USP25: variants seen among roughly 807,000 people sequenced by gnomAD.
The protein encoded by USP25 is ubiquitin specific peptidase 25.
USP25 carries 85 observed loss-of-function variants against 158.5 expected under a neutral mutation model. The observed-to-expected ratio is 0.54, with a 90% CI of 0.45 to 0.64. USP25 has a LOEUF of 0.64. USP25 is among the 30% of genes least tolerant of loss of function. The pLI is 0.00. For missense variants in USP25, 1,242 were observed against 1,327.3 expected, an observed-to-expected ratio of 0.94 and a Z score of 1.00; for synonymous variants, 464 against 460.4, an observed-to-expected ratio of 1.01 and a Z score of -0.10.
chr21:15,805,315 T>G, intron 7 of USP25, 57 bp downstream of exon 7: 1 of 1,419,694 alleles, frequency 7.0e-7, no homozygotes, highest in Non-Finnish European at 9.2e-7. Context: ...TGAACAATAT[T>G]AAGCACCTTT....
chr21:15,874,698 C>T (rs1391764281), intron 24 of USP25, among the ~76,000 whole-genome samples, 172 bp downstream of exon 24: 2 of 152,264 alleles, frequency 1.3e-5, no homozygotes, highest in East Asian at 1.9e-4. Flanking sequence ...GTACTTTATT[C>T]TTTTCTCTTT....
chr21:15,735,942 G>T (rs1283428084), intron 1 of USP25, among the ~76,000 whole-genome samples: 2 of 149,280 alleles, frequency 1.3e-5, no homozygotes, highest in African/African-American at 2.5e-5. Context: ...TGTATTTATT[G>T]GTCTAAAGTT....
At chr21:15,812,976 C>T (rs2036746998) in intron 9 of USP25, among the ~76,000 whole-genome samples, 1 of 152,002 alleles carries the variant, frequency 6.6e-6, no homozygotes, top group African/African-American at 2.4e-5. Flanking sequence ...CTCTGTACTT[C>T]ACTCCTTCCT....
intron 7 of USP25, among the ~76,000 whole-genome samples, chr21:15,806,758 T>G (rs1352648763): frequency 1.3e-5 from 2 of 152,204 alleles, no homozygotes; most frequent in Admixed American, 1.3e-4. Flanking sequence ...ACAGGAGTAA[T>G]TTAGTGAATC....
intron 9 of USP25, among the ~76,000 whole-genome samples, chr21:15,814,958 C>G (rs1199544176): frequency 1.3e-5 from 2 of 152,160 alleles, no homozygotes; most frequent in African/African-American, 4.8e-5. Context: ...TTCCTGGCAG[C>G]CCCTCCCATC....
rs370037302 is a variant in USP25 at position 15,826,206 on chromosome 21, A to G, written c.1307A>G (p.Tyr436Cys). Residue 436 changes from tyrosine to cysteine, a missense_variant and splice_region_variant, in exon 13 of 26, where the codon TAT becomes TGT. Tyr to Cys is a radical substitution (Grantham distance 194). This residue lies in a region of USP25 where 627 missense variants were observed against 701.4 expected (regional missense o/e 0.89). Transcript: ENST00000400183. This position sits in a 1 kb window ranked among gnomAD's most constrained non-coding sequence, Gnocchi z 4.8. ...TTTGTACATTTTATGATTAACAGATATTTAAGCTATGGTTCCGGTCCCAAA... is the reference window on the plus strand; with the variant it reads ...TTTGTACATTTTATGATTAACAGATGTTTAAGCTATGGTTCCGGTCCCAAA... ...LTVLQQRLER[Y>C]LSYGSGPKRF... The G allele has an allele frequency of 6.2e-7, 1 of 1,613,782 alleles. No homozygotes were observed. The highest frequency in any genetic ancestry group is 8.5e-7 in the Non-Finnish European group (1 of 1,179,796).
intron 1 of USP25, among the ~76,000 whole-genome samples, chr21:15,740,802 A>G (rs918147187): frequency 6.6e-6 from 1 of 151,710 alleles, no homozygotes; most frequent in Non-Finnish European, 1.5e-5. Context: ...ACAATTTTAG[A>G]CATGAAATAG....
chr21:15,850,766 A>G (rs1044702440), intron 20 of USP25, among the ~76,000 whole-genome samples: 1 of 152,182 alleles, frequency 6.6e-6, no homozygotes. Flanking sequence ...GTACAAAACA[A>G]AAGCCTTGTA....
chr21:15,859,124 T>TTA (rs935280409), intron 20 of USP25, among the ~76,000 whole-genome samples: 11 of 148,886 alleles, frequency 7.4e-5, no homozygotes, highest in Non-Finnish European at 1.3e-4. Flanking sequence ...GATATACAAA[T>TTA]TATATATATA....
chr21:15,821,995 C>A (rs556905994), intron 10 of USP25, among the ~76,000 whole-genome samples: 42 of 151,946 alleles, frequency 2.8e-4, no homozygotes, highest in African/African-American at 9.2e-4. Context: ...CTGCAGAAAT[C>A]TATTCCTCCT....
intron 5 of USP25, among the ~76,000 whole-genome samples, chr21:15,792,425 C>T (rs1329472858): frequency 6.6e-6 from 1 of 151,508 alleles, no homozygotes; most frequent in Non-Finnish European, 1.5e-5. Context: ...TTTTATTACT[C>T]CTTAGGAAAG....
chr21:15,740,590 G>A (rs1293318211), intron 1 of USP25, among the ~76,000 whole-genome samples: 1 of 143,646 alleles, frequency 7.0e-6, no homozygotes, highest in Non-Finnish European at 1.5e-5. Flanking sequence ...TTAAGGAGTT[G>A]GAAAGTGATT....
chr21:15,860,969 T>TAGAGAGAG (rs1441004914), intron 20 of USP25, among the ~76,000 whole-genome samples: 24 of 141,320 alleles, frequency 1.7e-4, no homozygotes, highest in Non-Finnish European at 2.2e-4. Flanking sequence ...TATATATATA[T>TAGAGAGAG]ATATATAGAG....
chr21:15,811,029 T>G (rs1020864791), intron 8 of USP25, 108 bp from the exon 9 acceptor site: 4 of 920,452 alleles, frequency 4.3e-6, no homozygotes, highest in African/African-American at 1.7e-5. Flanking sequence ...AAGTGCGTGA[T>G]AGCCACATAA....
intron 4 of USP25, among the ~76,000 whole-genome samples, chr21:15,783,785 G>A (rs1220267042): frequency 8.3e-5 from 12 of 143,892 alleles, no homozygotes; most frequent in South Asian, 2.2e-4. Flanking sequence ...GTGAAACCCC[G>A]TCTGTACTAA....
chr21:15,846,158 A>ATATATATT (rs1325255884), intron 18 of USP25, among the ~76,000 whole-genome samples: 3 of 23,950 alleles, frequency 1.3e-4, no homozygotes, highest in East Asian at 1.5e-3. Context: ...ATATATATAT[A>ATATATATT]TTTTTTTTTT....
chr21:15,778,461 A>G (rs1044437736), intron 4 of USP25, among the ~76,000 whole-genome samples: 1 of 152,142 alleles, frequency 6.6e-6, no homozygotes, highest in Non-Finnish European at 1.5e-5. Flanking sequence ...GCTATAGCTG[A>G]TAAATAATAT....
In USP25 at chr21:15,767,536, A is replaced by G. The variant is rs780325426; in HGVS notation, c.268+1395A>G. ...TAATATGTGCAGTAAAGCTCTTTCA[A>G]AACCAATGAAAGGGAATGAAGTTGA... On this transcript the variant is annotated intron_variant, in intron 3 of 25. Coordinates refer to ENST00000400183, the MANE Select transcript of USP25 (RefSeq NM_001283041.3). Among the ~76,000 whole-genome samples, 5 of 152,240 alleles carry G rather than the reference A, an allele frequency of 3.3e-5. No homozygotes were observed. The South Asian group carries it at 8.3e-4, about 25-fold the overall frequency.
At chr21:15,832,464 G>A (rs1381685824) in intron 16 of USP25, among the ~76,000 whole-genome samples, 1 of 152,162 alleles carries the variant, frequency 6.6e-6, no homozygotes, top group Non-Finnish European at 1.5e-5. Context: ...ATTTTTCTGT[G>A]TGTGTAGTAG....
Sources: gnomAD v4.1 joint callset for allele counts (sites outside exome capture counted in the v4.1 genomes callset) on GRCh38, gnomAD v4.1.1 for gene constraint, gnomAD v4.1.1 regional missense constraint, Gnocchi (gnomAD v3.1) non-coding constraint, MANE v1.5 for transcripts, NCBI Gene and HGNC (gene_info 2026-07-23, HGNC 2026-07-21) for gene names.